The following SYT3 variants were observed in gnomAD, a reference collection of about 807,000 sequenced individuals.
SYT3 encodes synaptotagmin-3.
In SYT3, 25 loss-of-function variants were observed where a neutral mutation model predicts 50.6. The observed-to-expected ratio is 0.49, with a 90% CI of 0.36 to 0.69. The LOEUF is 0.69. Ranked by LOEUF, SYT3 falls within the 30% of genes least tolerant of loss-of-function variation. The pLI is 0.00. For synonymous variants in SYT3, 323 were observed against 353.9 expected, an observed-to-expected ratio of 0.91 and a Z score of 0.98; for missense variants, 589 against 793.6, an observed-to-expected ratio of 0.74 and a Z score of 3.10.
chr19:50,635,425 C>G (rs1984466002), intron 3 of SYT3, among the ~76,000 whole-genome samples: 1 of 152,212 alleles, frequency 6.6e-6, no homozygotes, highest in African/African-American at 2.4e-5. Context: ...GACAGATTCC[C>G]CATTCCTGTC....
chr19:50,641,388 C>A (rs1439839188), upstream of SYT3, among the ~76,000 whole-genome samples: 3 of 150,456 alleles, frequency 2.0e-5, no homozygotes, highest in Non-Finnish European at 4.4e-5. Context: ...TCACCGTGGT[C>A]TCGATCTCCT....
At chr19:50,648,357 T>A in the SYT3 span, among the ~76,000 whole-genome samples, 2 of 151,660 alleles carry the variant, frequency 1.3e-5, no homozygotes, top group Non-Finnish European at 2.9e-5. Flanking sequence ...GAATACTTAG[T>A]AAGCAGGAAC....
At position 50,625,148 on chromosome 19, in the gene SYT3, G is replaced by A. The variant is rs771174925; in HGVS notation, c.1707+14C>T. 1 of 1,566,636 alleles carries A rather than the reference G, an allele frequency of 6.4e-7. No homozygotes were observed. Among genetic ancestry groups the A allele is most frequent in the Non-Finnish European group, 8.6e-7 (1 of 1,163,098 alleles). On this transcript the variant is annotated intron_variant, in intron 9 of 10. Transcript: ENST00000600079. The surrounding 1 kb of genome is among the most constrained non-coding windows in gnomAD (Gnocchi z 7.5). Reference sequence around the variant, plus strand: ...CGGGTGCTTGTCAGGGGTCGGTGTGGGACCCCTACTCACCTCCACTAGCTG... The same window carrying A: ...CGGGTGCTTGTCAGGGGTCGGTGTGAGACCCCTACTCACCTCCACTAGCTG...
At chr19:50,646,918 C>T in the SYT3 span, among the ~76,000 whole-genome samples, 4 of 152,112 alleles carry the variant, frequency 2.6e-5, no homozygotes, top group East Asian at 1.9e-4. Flanking sequence ...GCAAGCTCTG[C>T]TTCCCGGGCT....
At chr19:50,644,031 G>C (rs902739273), upstream of SYT3, among the ~76,000 whole-genome samples, 3 of 152,202 alleles carry the variant, frequency 2.0e-5, no homozygotes, top group African/African-American at 7.2e-5. Context: ...GGGCAGGAGG[G>C]AGTTTGGCAC....
the SYT3 span, among the ~76,000 whole-genome samples, chr19:50,655,274 T>A: frequency 1.3e-5 from 2 of 151,876 alleles, no homozygotes; most frequent in African/African-American, 4.8e-5. Context: ...TAGCTGATGG[T>A]GGGGTGGTCA....
rs958920332 is a variant in SYT3 at position 50,625,072 on chromosome 19, C to T, written c.1707+90G>A. On this transcript the variant is annotated intron_variant, in intron 9 of 10. Transcript: ENST00000600079. This position sits in a 1 kb window ranked among gnomAD's most constrained non-coding sequence, Gnocchi z 7.5. Reference sequence around the variant, plus strand: ...AAACCTAGGACGCCTGGCTCTGCGACTCACGAACATGCAGGGCGTTCGTTG... The same window carrying T: ...AAACCTAGGACGCCTGGCTCTGCGATTCACGAACATGCAGGGCGTTCGTTG... 3 of 1,328,374 alleles carry T rather than the reference C, an allele frequency of 2.3e-6. No homozygotes were observed. The African/African-American group carries it at 4.4e-5, about 20-fold the overall frequency. The allele number at this position is 1,328,374 out of a possible 1,614,324, so 82.3% of individuals were successfully genotyped here. A position where few individuals can be genotyped will look rare whatever the true frequency, so the allele number is the denominator to read the frequency against.
In SYT3 at chr19:50,627,195, G is replaced by T. The variant is rs529273012; in HGVS notation, c.1282-1178C>A. ...AGGACTCCCTACTCATTCCCCTCAGGGCATCTGCCCAGGCTGTCCCTCTGC... is the reference window on the plus strand; with the variant it reads ...AGGACTCCCTACTCATTCCCCTCAGTGCATCTGCCCAGGCTGTCCCTCTGC... On this transcript the variant is annotated intron_variant, in intron 6 of 10. Coordinates refer to ENST00000600079, the MANE Select transcript of SYT3 (RefSeq NM_001160329.2). Among the ~76,000 whole-genome samples the T allele has an allele frequency of 4.6e-5, 7 of 152,142 alleles. 1 individual carries two copies. The highest frequency in any genetic ancestry group is 1.4e-4 in the African/African-American group (6 of 41,532).
the SYT3 span, among the ~76,000 whole-genome samples, chr19:50,645,749 G>A: frequency 6.6e-6 from 1 of 152,090 alleles, no homozygotes; most frequent in African/African-American, 2.4e-5. Flanking sequence ...GGCGTGGTGT[G>A]TGCGCCTGTA....
At chr19:50,634,795 G>C (rs933432505) in intron 3 of SYT3, among the ~76,000 whole-genome samples, 1 of 152,038 alleles carries the variant, frequency 6.6e-6, no homozygotes, top group Non-Finnish European at 1.5e-5. Context: ...TGTTGGCCAG[G>C]CTGGTCTTGA....
the SYT3 span, chr19:50,656,106 A>C: frequency 6.5e-7 from 1 of 1,536,124 alleles, no homozygotes; most frequent in East Asian, 2.4e-5. Context: ...GAGCCTGGGC[A>C]GGCCCATCAA....
chr19:50,656,335 A>T, the SYT3 span: 2 of 1,535,826 alleles, frequency 1.3e-6, no homozygotes, highest in Non-Finnish European at 1.7e-6. Flanking sequence ...CTGCCTCTGC[A>T]TGGAGACCTT....
At chr19:50,646,493 T>G in the SYT3 span, among the ~76,000 whole-genome samples, 1 of 152,152 alleles carries the variant, frequency 6.6e-6, no homozygotes. Flanking sequence ...CCCAGAAGCC[T>G]GGCCCTTGTG....
chr19:50,649,780 A>T, the SYT3 span: 1 of 584,868 alleles, frequency 1.7e-6, no homozygotes, highest in Non-Finnish European at 3.2e-6. Flanking sequence ...AACACCTCTG[A>T]GGCCATTCTT....
At chr19:50,630,275 G>C in intron 4 of SYT3, 104 bp from the exon 5 acceptor site, 1 of 1,230,756 alleles carries the variant, frequency 8.1e-7, no homozygotes, top group South Asian at 1.7e-5. Context: ...CCATCCCCCA[G>C]CCAGGTGGCC....
rs749409227 is a variant in SYT3 at position 50,629,924 on chromosome 19, G to T, written c.922C>A (p.Arg308=). 4 of 1,613,920 alleles carry T rather than the reference G, an allele frequency of 2.5e-6. No individual in the cohort carries two copies. In the African/African-American group the frequency reaches 5.3e-5, roughly 22 times the overall value. The change falls in exon 5 of 11, where the codon CGG becomes AGG. Residue 308 remains arginine, a synonymous_variant. Transcript: ENST00000600079. ...AGCTGGTCCGAGCCATAGAGGTACC[G>T]CAGGGCGAAGCTGATACGGCCACAG... ...APCGRISFAL[R]YLYGSDQLVV...
intron 4 of SYT3, 47 bp from the exon 5 acceptor site, chr19:50,630,218 C>G (rs1372818673): frequency 2.7e-6 from 4 of 1,465,870 alleles, no homozygotes; most frequent in Non-Finnish European, 3.6e-6. Flanking sequence ...TGGCTCTGAT[C>G]TTCGACTGCA....
chr19:50,644,314 T>C (rs1204997233), upstream of SYT3, among the ~76,000 whole-genome samples: 2 of 151,274 alleles, frequency 1.3e-5, no homozygotes, highest in Non-Finnish European at 1.5e-5. Flanking sequence ...ATGGATAAGA[T>C]GGATGTTGGA....
the SYT3 span, chr19:50,649,352 G>T: frequency 5.7e-6 from 7 of 1,223,912 alleles, no homozygotes; most frequent in Admixed American, 1.4e-4. Flanking sequence ...GGAGGTAGAG[G>T]AGGCAGCGGT....
Sources: allele counts gnomAD v4.1 joint callset (sites outside exome capture counted in the v4.1 genomes callset), GRCh38; gene constraint gnomAD v4.1.1; non-coding constraint Gnocchi (gnomAD v3.1); transcripts MANE v1.5; gene names NCBI Gene and HGNC (gene_info 2026-07-23, HGNC 2026-07-21).